Variants in TRPV3 observed in about 807,000 individuals in gnomAD.
TRPV3 encodes the protein transient receptor potential cation channel subfamily V member 3.
TRPV3 carries 88 observed loss-of-function variants against 87.1 expected under a neutral mutation model. The observed-to-expected ratio is 1.01, with a 90% confidence interval of 0.85 to 1.21. The LOEUF (loss-of-function observed/expected upper bound fraction) is 1.21, where lower values mean the gene tolerates loss of function less well. Ranked by LOEUF, TRPV3 falls within the 50% of genes most tolerant of loss-of-function variation. The pLI is 0.00. For synonymous variants in TRPV3, 438 were observed against 423.3 expected (o/e 1.03, Z -0.43); for missense variants, 1,054 against 1,030.1 (o/e 1.02, Z -0.32).
intron 6 of TRPV3, among the ~76,000 whole-genome samples, chr17:3,537,602 A>T (rs2074418960): frequency 6.6e-6 from 1 of 152,146 alleles, no homozygotes; most frequent in East Asian, 1.9e-4. Flanking sequence ...TGAGATATAT[A>T]AAAAGGCAAT....
At chr17:3,549,700 ATGAT>A (rs2150806344) in intron 2 of TRPV3, among the ~76,000 whole-genome samples, 1 of 139,096 alleles carries the variant, frequency 7.2e-6, no homozygotes, top group African/African-American at 2.5e-5. Flanking sequence ...GAGTGGATGG[ATGAT>A]GGATGGATGG....
intron 7 of TRPV3, among the ~76,000 whole-genome samples, chr17:3,533,330 C>T (rs1286460382): frequency 1.3e-5 from 2 of 152,182 alleles, no homozygotes; most frequent in Non-Finnish European, 2.9e-5. Context: ...GGGGCCTTCG[C>T]TCGGCTGTCC....
intron 2 of TRPV3, among the ~76,000 whole-genome samples, chr17:3,551,870 CTTTTTTTTTTTT>C (rs747932928): frequency 3.7e-4 from 16 of 43,354 alleles, no homozygotes; most frequent in East Asian, 3.2e-3. Context: ...GTAATTTATT[CTTTTTTTTTTTT>C]TTTTTTTTTT....
intron 12 of TRPV3, among the ~76,000 whole-genome samples, chr17:3,526,199 C>T (rs1189628176): frequency 6.6e-6 from 1 of 152,084 alleles, no homozygotes; most frequent in Non-Finnish European, 1.5e-5. Flanking sequence ...GCAGAAGAGG[C>T]CGGCGCAGGA....
Position 3,527,059 on chromosome 17 carries a change from G to T in TRPV3, c.1504-132C>A, listed in dbSNP as rs969825659. ...ACAAAGGCCCAGCTAGAGTCCAGGT[G>T]GCGGATCTGAAAGGGGACCTGTGCC... On this transcript the variant is annotated intron_variant, in intron 11 of 17. Transcript: ENST00000576742. 4.7e-5 allele frequency: 33 copies of T among 708,848 alleles called. No individual in the cohort carries two copies. The African/African-American group carries it at 4.9e-4, about 11-fold the overall frequency. 43.9% of individuals were successfully genotyped at this position (708,848 alleles called of 1,614,324 possible).
At chr17:3,547,019 G>C (rs568462252) in intron 2 of TRPV3, among the ~76,000 whole-genome samples, 1 of 150,444 alleles carries the variant, frequency 6.6e-6, no homozygotes, top group African/African-American at 2.5e-5. Context: ...ATACTGGATG[G>C]CTGAACCCGG....
At chr17:3,519,911 TGG>T (rs1567630958) in intron 14 of TRPV3, among the ~76,000 whole-genome samples, 10 of 146,976 alleles carry the variant, frequency 6.8e-5, no homozygotes, top group Admixed American at 2.0e-4. Context: ...ATTAGATGGA[TGG>T]ATGGATGGAT....
rs1228304896 is a variant in TRPV3, at chr17:3,532,673, T to C, written c.1049A>G (p.Lys350Arg). The change falls in exon 8 of 18, where the codon AAG becomes AGG. Residue 350 changes from lysine to arginine, a missense_variant. Physicochemically the swap from Lys to Arg is conservative, Grantham distance 26 (BLOSUM62 2). Transcript: ENST00000576742. ...DGLTPLQLAA[K>R]MGKAEILKYI... ...TGGCCCCACCTCCGCCTTGCCCATC[T>C]TGGCGGCCAGCTGCAGCGGCGTGAG... 1.2e-6 allele frequency: 2 copies of C among 1,614,086 alleles called. No homozygotes were observed. Among genetic ancestry groups the C allele is most frequent in the South Asian group, 2.2e-5 (2 of 91,084 alleles).
intron 8 of TRPV3, among the ~76,000 whole-genome samples, chr17:3,531,079 C>CA (rs1272686498): frequency 0.021 from 2,996 of 143,044 alleles, 113 homozygotes; most frequent in African/African-American, 0.081. Flanking sequence ...ACAAAACAAA[C>CA]AAACAAAAAA....
At position 3,532,862 on chromosome 17, in the gene TRPV3, G is replaced by C. The variant is rs200272068; in HGVS notation, c.860C>G (p.Thr287Arg). The change falls in exon 8 of 18, where the codon ACG becomes AGG. Residue 287 changes from threonine to arginine, a missense_variant. By Grantham distance (71) the Thr-to-Arg change is moderately conservative (BLOSUM62 -1). Transcript: ENST00000576742. ...IVQLLMEHEQ[T>R]DITSRDSRGN... is the part of the protein sequence containing the mutation. ...TCGTGAGTCCCGCGAGGTGATGTCC[G>C]TCTGCTCGTGCTCCATCAGCAGCTG... is the stretch of plus-strand genomic sequence containing the variant. The C allele has an allele frequency of 5.0e-6, 8 of 1,614,136 alleles. No homozygotes were observed. Among genetic ancestry groups the C allele is most frequent in the Non-Finnish European group, 6.8e-6 (8 of 1,180,056 alleles).
rs2074634302 is a variant in TRPV3 at position 3,556,517 on chromosome 17, G to A, written c.-3+1159C>T. ...GGCGACACATAGGTGGGGGCAGGAA[G>A]ACGGATTTCTGTAAGAAGAACCCAG... On this transcript the variant is annotated intron_variant, in intron 1 of 17. Coordinates refer to ENST00000576742, the MANE Select transcript of TRPV3 (RefSeq NM_145068.4). The surrounding 1 kb of genome is among the most constrained non-coding windows in gnomAD (Gnocchi z 4.2). Among the ~76,000 whole-genome samples the A allele has an allele frequency of 6.6e-6, 1 of 152,162 alleles. No homozygotes were observed. Among genetic ancestry groups the A allele is most frequent in the Non-Finnish European group, 1.5e-5 (1 of 68,010 alleles).
At chr17:3,531,987 C>T (rs969352015) in intron 8 of TRPV3, among the ~76,000 whole-genome samples, 2 of 152,184 alleles carry the variant, frequency 1.3e-5, no homozygotes, top group Admixed American at 1.3e-4. Context: ...ACAGCCTCCT[C>T]GCAGAGCGTA....
Position 3,528,714 on chromosome 17 carries a change from C to T in TRPV3, c.1401+123G>A. ...GTTCCCTGGGAAGCGTGAAGGACAA[C>T]TGGGGGACCCCGCCCAATCTCCTGG... On this transcript the variant is annotated intron_variant, in intron 10 of 17. Transcript: ENST00000576742. The surrounding 1 kb of genome is among the most constrained non-coding windows in gnomAD (Gnocchi z 4.2). 1 of 1,195,986 alleles carries T rather than the reference C, an allele frequency of 8.4e-7. No individual in the cohort carries two copies. Among genetic ancestry groups the T allele is most frequent in the Non-Finnish European group, 1.2e-6 (1 of 860,652 alleles). The allele number at this position is 1,195,986 out of a possible 1,614,324, so 74.1% of individuals were successfully genotyped here. A position where few individuals can be genotyped will look rare whatever the true frequency, so the allele number is the denominator to read the frequency against.
At chr17:3,525,063 A>C (rs776181303) in intron 12 of TRPV3, among the ~76,000 whole-genome samples, 2 of 152,134 alleles carry the variant, frequency 1.3e-5, no homozygotes, top group East Asian at 1.9e-4. Context: ...TCTGTCACCT[A>C]GGCTGGAGTA....
chr17:3,522,504 A>G (rs1053895364), intron 13 of TRPV3, among the ~76,000 whole-genome samples: 73 of 152,180 alleles, frequency 4.8e-4, no homozygotes, highest in African/African-American at 1.7e-3. Flanking sequence ...GATAAAATAA[A>G]TTTTATAAAT....
At position 3,528,089 on chromosome 17, in the gene TRPV3, C is replaced by T. The variant is rs902336373; in HGVS notation, c.1439G>A (p.Gly480Glu). 1.9e-6 allele frequency: 3 copies of T among 1,613,584 alleles called. No homozygotes were observed. The highest frequency in any genetic ancestry group is 1.3e-5 in the African/African-American group (1 of 75,012). ...PHPLALTHKM[G>E]WLQLLGRMFV... ...CATCCTCCCTAGGAGCTGCAGCCAC[C>T]CCATCTTGTGCGTCAGGGCCAAGGG... is the stretch of plus-strand genomic sequence containing the variant. The change falls in exon 11 of 18, where the codon GGG (glycine) becomes GAG (glutamate). Residue 480 changes from glycine to glutamate, a missense_variant. Physicochemically the swap from Gly to Glu is moderately conservative, Grantham distance 98. Transcript: ENST00000576742. This position sits in a 1 kb window ranked among gnomAD's most constrained non-coding sequence, Gnocchi z 4.2.
At chr17:3,519,704 A>G (rs143940549) in intron 14 of TRPV3, among the ~76,000 whole-genome samples, 1,427 of 85,862 alleles carry the variant, frequency 0.017, 24 homozygotes, top group Middle Eastern at 0.024. Context: ...ATGGATGGAT[A>G]GATGGATGGA....
intron 6 of TRPV3, among the ~76,000 whole-genome samples, chr17:3,537,186 C>T (rs1411712363): frequency 1.3e-5 from 2 of 151,984 alleles, no homozygotes; most frequent in Non-Finnish European, 2.9e-5. Context: ...AGTGCAGTGG[C>T]GTGAGCATAG....
Position 3,518,537 on chromosome 17 carries a change from C to CG in TRPV3, c.2085+38dup. On this transcript the variant is annotated intron_variant, in intron 15 of 17. Transcript: ENST00000576742. The surrounding 1 kb of genome is among the most constrained non-coding windows in gnomAD (Gnocchi z 4.3). The stretch of plus-strand genomic sequence containing the variant: ...AATGACCACGTGCTGAACTGAGTCC[C>CG]GTGGAGGCCCCCACGCTGGGGTCTC... 6.6e-7 allele frequency: 1 copy of CG among 1,526,514 alleles called. No homozygotes were observed. The highest frequency in any genetic ancestry group is 8.8e-7 in the Non-Finnish European group (1 of 1,135,318). The allele number at this position is 1,526,514 out of a possible 1,614,324, so 94.6% of individuals were successfully genotyped here. A position where few individuals can be genotyped will look rare whatever the true frequency, so the allele number is the denominator to read the frequency against.
Sources: allele counts gnomAD v4.1 joint callset (sites outside exome capture counted in the v4.1 genomes callset), GRCh38; gene constraint gnomAD v4.1.1; non-coding constraint Gnocchi (gnomAD v3.1); transcripts MANE v1.5; gene names NCBI Gene and HGNC (gene_info 2026-07-23, HGNC 2026-07-21).